MSANTD2: variants seen among roughly 807,000 people sequenced by gnomAD.
MSANTD2 encodes myb/SANT-like DNA-binding domain-containing protein 2.
In MSANTD2, 19 loss-of-function variants were observed where a neutral mutation model predicts 52.6. The observed-to-expected ratio is 0.36, with a 90% CI of 0.25 to 0.53. MSANTD2 has a LOEUF of 0.53. Among genes scored for constraint, MSANTD2 ranks in the 20% least tolerant of loss-of-function variants. The pLI is 0.91. For missense variants in MSANTD2, 558 were observed against 716.3 expected, an observed-to-expected ratio of 0.78 and a Z score of 2.52; for synonymous variants, 291 against 289.7, an observed-to-expected ratio of 1.00 and a Z score of -0.04.
chr11:124,776,294 T>C (rs532138970), intron 1 of MSANTD2: 1 of 152,304 alleles, frequency 6.6e-6, no homozygotes, highest in South Asian at 2.1e-4. Context: ...GGAAGTTCAG[T>C]CTCTTTATTT....
intron 1 of MSANTD2, among the ~76,000 whole-genome samples, chr11:124,798,234 T>TAAAAAAAAAAAAAAAAAAA (rs10601418): frequency 2.7e-5 from 3 of 110,530 alleles, no homozygotes; most frequent in African/African-American, 1.2e-4. Context: ...CCCTGTCTCT[T>TAAAAAAAAAAAAAAAAAAA]AAAAAAAAAA....
chr11:124,787,605 ATTTT>A (rs1300500471), intron 1 of MSANTD2, among the ~76,000 whole-genome samples: 1 of 152,006 alleles, frequency 6.6e-6, no homozygotes, highest in Non-Finnish European at 1.5e-5. Flanking sequence ...GGTCTCAATG[ATTTT>A]TTTGATTTTT....
intron 1 of MSANTD2, among the ~76,000 whole-genome samples, chr11:124,788,625 G>A (rs1001095008): frequency 1.8e-4 from 27 of 152,196 alleles, no homozygotes; most frequent in African/African-American, 6.5e-4. Flanking sequence ...GTATAACAGA[G>A]AAGGGATCTC....
At chr11:124,775,758 C>T (rs552103174) in intron 1 of MSANTD2, 4 of 152,362 alleles carry the variant, frequency 2.6e-5, no homozygotes, top group Admixed American at 2.6e-4. Flanking sequence ...GGTGTTATTT[C>T]ACTTCCTTTT....
intron 1 of MSANTD2, among the ~76,000 whole-genome samples, chr11:124,794,390 AG>A (rs1270463863): frequency 1.3e-5 from 2 of 152,240 alleles, no homozygotes; most frequent in East Asian, 1.9e-4. Context: ...CTATTCTTAG[AG>A]GATACACATC....
intron 1 of MSANTD2, among the ~76,000 whole-genome samples, chr11:124,796,643 A>G (rs1327919608): frequency 1.3e-5 from 2 of 152,204 alleles, no homozygotes; most frequent in Non-Finnish European, 2.9e-5. Flanking sequence ...AATTTCAAAT[A>G]TATTAGCCCA....
In MSANTD2 at chr11:124,799,712, C is replaced by T. The variant is rs79847772; in HGVS notation, c.510+159G>A. ...GGCTGGCGGCCATCTGGGAAAAAGC[C>T]CCCTTCCCAGGGAGAGAAGAAAAAG... On this transcript the variant is annotated intron_variant, in intron 1 of 3. Transcript: ENST00000374979. Among the ~76,000 whole-genome samples the T allele has an allele frequency of 7.9e-4, 120 of 152,350 alleles. 1 individual carries two copies. In the East Asian group the frequency reaches 0.022, roughly 28 times the overall value.
intron 1 of MSANTD2, among the ~76,000 whole-genome samples, chr11:124,780,634 G>A (rs969060724): frequency 3.9e-5 from 6 of 152,086 alleles, no homozygotes; most frequent in Admixed American, 3.3e-4. Context: ...ATACAAGAAC[G>A]TCGTTAAAAA....
chr11:124,777,717 C>T (rs1427722586), intron 1 of MSANTD2, among the ~76,000 whole-genome samples: 2 of 151,994 alleles, frequency 1.3e-5, no homozygotes. Context: ...CTATCAGGGG[C>T]CTGAAGGAAA....
intron 1 of MSANTD2, among the ~76,000 whole-genome samples, chr11:124,781,179 G>A (rs1709947594): frequency 7.9e-6 from 1 of 127,386 alleles, no homozygotes; most frequent in South Asian, 2.4e-4. Flanking sequence ...GGGAGTCTCT[G>A]TCTCAAAAAA....
At chr11:124,789,096 AT>A (rs1234742505) in intron 1 of MSANTD2, 1 of 152,182 alleles carries the variant, frequency 6.6e-6, no homozygotes, top group Admixed American at 6.5e-5. Flanking sequence ...TGAATGGAAA[AT>A]TCCTTAAGAT....
Position 124,767,098 on chromosome 11 carries a change from G to C in MSANTD2, c.*78C>G. 7.1e-7 allele frequency: 1 copy of C among 1,414,448 alleles called. No homozygotes were observed. The highest frequency in any genetic ancestry group is 9.6e-7 in the Non-Finnish European group (1 of 1,043,304). 87.6% of individuals were successfully genotyped at this position (1,414,448 alleles called of 1,614,324 possible). A position where few individuals can be genotyped will look rare whatever the true frequency, so the allele number is the denominator to read the frequency against. ...ATGAAGAGTCTGACGGCGGCATCTG[G>C]ATGAGGGGTGGTCCGGGTAATGGGA... On this transcript the variant is annotated 3_prime_UTR_variant, in exon 4 of 4. Coordinates refer to ENST00000374979, the MANE Select transcript of MSANTD2 (RefSeq NM_001308027.2). This position sits in a 1 kb window ranked among gnomAD's most constrained non-coding sequence, Gnocchi z 6.5.
intron 1 of MSANTD2, among the ~76,000 whole-genome samples, chr11:124,795,253 T>G (rs1458780440): frequency 6.6e-6 from 1 of 152,188 alleles, no homozygotes; most frequent in Non-Finnish European, 1.5e-5. Flanking sequence ...TAGGTCACAT[T>G]CAATCACCTT....
chr11:124,784,157 G>GAA (rs879721999), intron 1 of MSANTD2: 2 of 750,654 alleles, frequency 2.7e-6, no homozygotes, highest in Non-Finnish European at 3.2e-6. Context: ...ACCTGAAAGG[G>GAA]AAAAAAAAAA....
In MSANTD2 at chr11:124,780,611, C is replaced by T. The variant is rs142741646; in HGVS notation, c.511-5637G>A. ...ACGATTTCAAGGGGGTACCTGGACT[C>T]ACTAAAGAACCCATACAAGAACGTC... is the stretch of plus-strand genomic sequence containing the variant. On this transcript the variant is annotated intron_variant, in intron 1 of 3. Coordinates refer to ENST00000374979, the MANE Select transcript of MSANTD2 (RefSeq NM_001308027.2). Among the ~76,000 whole-genome samples the T allele has an allele frequency of 1.4e-3, 216 of 152,320 alleles. 1 individual carries two copies. The highest frequency in any genetic ancestry group is 4.4e-3 in the East Asian group (23 of 5,182).
chr11:124,797,273 C>G (rs1367465150), intron 1 of MSANTD2, among the ~76,000 whole-genome samples: 17 of 152,120 alleles, frequency 1.1e-4, no homozygotes, highest in Admixed American at 1.1e-3. Flanking sequence ...TCGCTTGATT[C>G]TAGGAGTTTG....
intron 1 of MSANTD2, chr11:124,791,594 C>G: frequency 2.1e-6 from 3 of 1,458,696 alleles, no homozygotes; most frequent in Non-Finnish European, 2.9e-6. Context: ...GAGGAGTAAG[C>G]CCGCTGCCCA....
chr11:124,788,858 A>G lies in MSANTD2; in HGVS notation c.510+11013T>C, dbSNP rs1186170883. ...CAAATGAATTTCTTTCATAAGCATA[A>G]TGAAAGAGCTCAACTTCAAGGATTT... On this transcript the variant is annotated intron_variant, in intron 1 of 3. Transcript: ENST00000374979. Among the ~76,000 whole-genome samples, 5 of 152,254 alleles carry G rather than the reference A, an allele frequency of 3.3e-5. No individual in the cohort carries two copies. The South Asian group carries it at 8.3e-4, about 25-fold the overall frequency.
chr11:124,768,057 C>A, intron 3 of MSANTD2, 29 bp from the exon 4 acceptor site: 1 of 1,577,322 alleles, frequency 6.3e-7, no homozygotes, highest in Non-Finnish European at 8.6e-7. Context: ...GTCAAATTCC[C>A]TAAGTATCTA....
Sources: allele counts gnomAD v4.1 joint callset (sites outside exome capture counted in the v4.1 genomes callset), GRCh38; gene constraint gnomAD v4.1.1; non-coding constraint Gnocchi (gnomAD v3.1); transcripts MANE v1.5; gene names NCBI Gene and HGNC (gene_info 2026-07-23, HGNC 2026-07-21).